The following GKAP1 variants were observed in gnomAD, a reference collection of about 807,000 sequenced individuals.
GKAP1 encodes G kinase-anchoring protein 1.
In GKAP1, 31 loss-of-function variants were observed where a neutral mutation model predicts 56.7. The ratio of observed to expected loss-of-function variants is 0.55; its 90% CI spans 0.41 to 0.74. GKAP1 has a LOEUF of 0.74. Ranked by LOEUF, GKAP1 falls within the 30% of genes least tolerant of loss-of-function variation. The pLI, the probability that GKAP1 is intolerant of heterozygous loss-of-function variation, is 0.00. For missense variants in GKAP1, 364 were observed against 402.3 expected (o/e 0.90, Z 0.82); for synonymous variants, 151 against 138.6 (o/e 1.09, Z -0.63).
rs1159540631 is a variant in GKAP1 at position 83,817,041 on chromosome 9, G to A, written c.-89C>T. 2 of 152,162 alleles carry A rather than the reference G, an allele frequency of 1.3e-5. No individual in the cohort carries two copies. Among genetic ancestry groups the A allele is most frequent in the South Asian group, 2.1e-4 (1 of 4,828 alleles). The allele number at this position is 152,162 out of a possible 1,614,324, so 9.4% of individuals were successfully genotyped here. A position where few individuals can be genotyped will look rare whatever the true frequency, so the allele number is the denominator to read the frequency against. On this transcript the variant is annotated 5_prime_UTR_variant, in exon 2 of 13. Coordinates refer to ENST00000376371, the MANE Select transcript of GKAP1 (RefSeq NM_025211.4). ...AAATTTCACCCATAGGCTGTTAACC[G>A]ATGCTCCGAAACTTATTCGCAAAGT...
intron 12 of GKAP1, among the ~76,000 whole-genome samples, chr9:83,740,324 A>C (rs954948164): frequency 6.6e-6 from 1 of 152,204 alleles, no homozygotes; most frequent in African/African-American, 2.4e-5. Flanking sequence ...AGCAAAGGAA[A>C]GGCAGCATAA....
rs111909937 is a variant in GKAP1, at chr9:83,751,761, TA to T, written c.840+1496del. 4.0e-3 allele frequency among the ~76,000 whole-genome samples: 560 copies of T among 138,916 alleles called. 5 individuals are homozygous for T. Among genetic ancestry groups the T allele is most frequent in the African/African-American group, 0.01 (381 of 37,988 alleles). 91.1% of individuals were successfully genotyped at this position (138,916 alleles called of 152,430 possible). On this transcript the variant is annotated intron_variant, in intron 9 of 12. Coordinates refer to ENST00000376371, the MANE Select transcript of GKAP1 (RefSeq NM_025211.4). ...TGAATAACAGATTTAAAAAATAGAT[TA>T]AAAAAAAAAAAACCTAAGGGGAGAG...
chr9:83,741,117 C>T (rs1943199506), intron 12 of GKAP1, among the ~76,000 whole-genome samples: 1 of 151,934 alleles, frequency 6.6e-6, no homozygotes, highest in East Asian at 1.9e-4. Flanking sequence ...AAACTCCTAC[C>T]ATGCTTCTCG....
chr9:83,748,799 T>C (rs1044960088), intron 9 of GKAP1: 1 of 152,362 alleles, frequency 6.6e-6, no homozygotes, highest in Non-Finnish European at 1.5e-5. Context: ...CTGTCCAATA[T>C]GCGACTACTG....
intron 12 of GKAP1, among the ~76,000 whole-genome samples, chr9:83,740,264 T>C (rs928801058): frequency 2.0e-5 from 3 of 152,180 alleles, no homozygotes; most frequent in Admixed American, 6.5e-5. Context: ...TAAATTTGTA[T>C]TTAATTTGCT....
At chr9:83,777,978 C>T (rs552796806) in intron 7 of GKAP1, among the ~76,000 whole-genome samples, 24 of 152,114 alleles carry the variant, frequency 1.6e-4, no homozygotes, top group Middle Eastern at 6.8e-3. Flanking sequence ...AACATAATTT[C>T]GGCATACTTT....
intron 5 of GKAP1, among the ~76,000 whole-genome samples, chr9:83,785,717 G>A (rs1198032775): frequency 6.6e-6 from 1 of 152,052 alleles, no homozygotes; most frequent in African/African-American, 2.4e-5. Flanking sequence ...CCTTTTGCTT[G>A]GATACTGCAA....
At chr9:83,774,756 T>G (rs1404105833) in intron 7 of GKAP1, among the ~76,000 whole-genome samples, 2 of 130,024 alleles carry the variant, frequency 1.5e-5, no homozygotes, top group Non-Finnish European at 3.1e-5. Flanking sequence ...TGTTGCCAGG[T>G]TGGAGTGCAG....
chr9:83,756,902 T>G (rs1373154877), intron 8 of GKAP1, among the ~76,000 whole-genome samples: 4 of 152,218 alleles, frequency 2.6e-5, no homozygotes, highest in Non-Finnish European at 5.9e-5. Flanking sequence ...TCATATTGTT[T>G]TAATGTATAC....
chr9:83,774,459 T>C (rs1021866619), intron 7 of GKAP1, among the ~76,000 whole-genome samples: 5 of 151,248 alleles, frequency 3.3e-5, no homozygotes, highest in Non-Finnish European at 5.9e-5. Flanking sequence ...AAAAACTAGC[T>C]GGGAGTGGTG....
At chr9:83,778,927 T>C (rs541091044) in intron 7 of GKAP1, among the ~76,000 whole-genome samples, 1 of 152,164 alleles carries the variant, frequency 6.6e-6, no homozygotes, top group South Asian at 2.1e-4. Context: ...CAGAAGCTTG[T>C]TTAAATACAA....
intron 8 of GKAP1, among the ~76,000 whole-genome samples, chr9:83,758,589 T>A (rs951301801): frequency 6.6e-6 from 1 of 151,760 alleles, no homozygotes; most frequent in Non-Finnish European, 1.5e-5. Flanking sequence ...AAAAAAATAA[T>A]ACATAATAAA....
intron 8 of GKAP1, among the ~76,000 whole-genome samples, chr9:83,758,002 A>C (rs1943505299): frequency 6.6e-6 from 1 of 152,174 alleles, no homozygotes. Flanking sequence ...AACAGGATGG[A>C]ATATGCCGCA....
Position 83,780,276 on chromosome 9 carries a change from T to C in GKAP1, c.585+106A>G, listed in dbSNP as rs911720821. 12 of 681,852 alleles carry C rather than the reference T, an allele frequency of 1.8e-5. No homozygotes were observed. The African/African-American group carries it at 1.9e-4, about 11-fold the overall frequency. 42.2% of individuals were successfully genotyped at this position (681,852 alleles called of 1,614,324 possible). A position where few individuals can be genotyped will look rare whatever the true frequency, so the allele number is the denominator to read the frequency against. On this transcript the variant is annotated intron_variant, in intron 7 of 12. Transcript: ENST00000376371. ...GGTTCACTCAAGACAAACCTATGGG[T>C]TGTCCTTTAAATGATTATGTCTCAA...
At chr9:83,804,369 G>A (rs1239362312) in intron 3 of GKAP1, among the ~76,000 whole-genome samples, 2 of 66,490 alleles carry the variant, frequency 3.0e-5, no homozygotes, top group Non-Finnish European at 5.8e-5. Flanking sequence ...CCCCCGCCCG[G>A]CCAGCCGCCC....
intron 2 of GKAP1, among the ~76,000 whole-genome samples, chr9:83,810,698 C>T (rs1587745153): frequency 6.6e-6 from 1 of 152,176 alleles, no homozygotes; most frequent in Non-Finnish European, 1.5e-5. Flanking sequence ...ACTTGAGCAA[C>T]CTACTTGATC....
intron 10 of GKAP1, among the ~76,000 whole-genome samples, chr9:83,745,194 A>G (rs114538376): frequency 0.02 from 3,112 of 152,080 alleles, 131 homozygotes; most frequent in African/African-American, 0.071. Context: ...CCATGCCAGG[A>G]TAATTTTTGT....
At chr9:83,796,875 A>G (rs1292607821) in intron 4 of GKAP1, among the ~76,000 whole-genome samples, 1 of 152,206 alleles carries the variant, frequency 6.6e-6, no homozygotes, top group Non-Finnish European at 1.5e-5. Context: ...TATCCCCTTG[A>G]CTTTTACAAA....
intron 7 of GKAP1, among the ~76,000 whole-genome samples, chr9:83,770,683 T>G (rs567177284): frequency 6.6e-6 from 1 of 151,958 alleles, no homozygotes; most frequent in Admixed American, 6.6e-5. Flanking sequence ...CACCTCAGCC[T>G]CCTGAGTAGC....
Sources: gnomAD v4.1 joint callset for allele counts (sites outside exome capture counted in the v4.1 genomes callset) on GRCh38, gnomAD v4.1.1 for gene constraint, MANE v1.5 for transcripts, NCBI Gene and HGNC (gene_info 2026-07-23, HGNC 2026-07-21) for gene names.